The following SPOCK1 variants were observed in gnomAD, a reference collection of about 807,000 sequenced individuals.
SPOCK1 encodes the protein SPARC (osteonectin), cwcv and kazal like domains proteoglycan 1, also known as testican-1.
In SPOCK1, 23 loss-of-function variants were observed where a neutral mutation model predicts 55.3. The observed-to-expected ratio is 0.42, with a 90% CI of 0.30 to 0.59. The LOEUF is 0.59. Among genes scored for constraint, SPOCK1 ranks in the 20% least tolerant of loss-of-function variants. The pLI is 0.22. For synonymous variants in SPOCK1, 226 were observed against 221.0 expected, an observed-to-expected ratio of 1.02 and a Z score of -0.20; for missense variants, 499 against 552.5, an observed-to-expected ratio of 0.90 and a Z score of 0.97.
At chr5:137,422,604 C>T (rs1241296334) in intron 2 of SPOCK1, among the ~76,000 whole-genome samples, 2 of 151,664 alleles carry the variant, frequency 1.3e-5, no homozygotes, top group African/African-American at 2.4e-5. Flanking sequence ...GCATTCGTCA[C>T]GTAGTTCCCA....
chr5:137,169,452 A>G (rs952603677), intron 3 of SPOCK1, among the ~76,000 whole-genome samples: 26 of 152,234 alleles, frequency 1.7e-4, no homozygotes, highest in East Asian at 7.7e-4. Context: ...CAACAAATAT[A>G]TATACCTACT....
At chr5:137,057,858 G>A (rs779956452) in intron 6 of SPOCK1, among the ~76,000 whole-genome samples, 2 of 152,176 alleles carry the variant, frequency 1.3e-5, no homozygotes, top group African/African-American at 2.4e-5. Context: ...TCAACCTCAG[G>A]ACAGATTACA....
intron 3 of SPOCK1, among the ~76,000 whole-genome samples, chr5:137,216,460 C>A (rs1211327118): frequency 6.6e-6 from 1 of 152,200 alleles, no homozygotes; most frequent in Non-Finnish European, 1.5e-5. Context: ...CCTGTAATCC[C>A]GGCACTTTCG....
At chr5:137,478,903 T>C (rs1005897578) in intron 2 of SPOCK1, among the ~76,000 whole-genome samples, 2 of 151,992 alleles carry the variant, frequency 1.3e-5, no homozygotes, top group African/African-American at 4.8e-5. Context: ...ACAATAATTC[T>C]TACCCAGAGA....
At chr5:137,355,810 C>T (rs1352589642) in intron 2 of SPOCK1, among the ~76,000 whole-genome samples, 1 of 152,156 alleles carries the variant, frequency 6.6e-6, no homozygotes, top group African/African-American at 2.4e-5. Flanking sequence ...AGCCCAGCCC[C>T]CAGGTGGAGT....
chr5:137,239,469 A>C lies in SPOCK1; in HGVS notation c.232+27541T>G, dbSNP rs564200886. Among the ~76,000 whole-genome samples, 147 of 152,294 alleles carry C rather than the reference A, an allele frequency of 9.7e-4. 1 individual carries two copies. Among genetic ancestry groups the C allele is most frequent in the Admixed American group, 2.2e-3 (34 of 15,296 alleles). ...AGCAACATATTGAACATGAGACGGG[A>C]GGTGTGGGAACTCCTGAATGTATAG... On this transcript the variant is annotated intron_variant, in intron 3 of 10. Coordinates refer to ENST00000394945, the MANE Select transcript of SPOCK1 (RefSeq NM_004598.4).
At chr5:137,479,971 T>C (rs554998352) in intron 2 of SPOCK1, among the ~76,000 whole-genome samples, 1 of 152,224 alleles carries the variant, frequency 6.6e-6, no homozygotes, top group East Asian at 1.9e-4. Context: ...GAGGGTTAAA[T>C]AATCAATCAG....
chr5:137,043,979 C>T (rs1752052479), intron 6 of SPOCK1, among the ~76,000 whole-genome samples: 1 of 152,140 alleles, frequency 6.6e-6, no homozygotes, highest in African/African-American at 2.4e-5. Context: ...AACATGGGTG[C>T]AGGGTATCTG....
chr5:137,449,476 A>C (rs1046751853), intron 2 of SPOCK1, among the ~76,000 whole-genome samples: 50 of 152,304 alleles, frequency 3.3e-4, no homozygotes, highest in African/African-American at 1.2e-3. Context: ...ATGGCCAGCA[A>C]AGAGAGGCAG....
intron 6 of SPOCK1, among the ~76,000 whole-genome samples, chr5:137,058,239 A>T (rs1752335794): frequency 6.6e-6 from 1 of 152,218 alleles, no homozygotes; most frequent in Non-Finnish European, 1.5e-5. Context: ...TGTAAGGGTA[A>T]GAGCACAAGT....
At chr5:137,059,065 T>C (rs550889649) in intron 6 of SPOCK1, among the ~76,000 whole-genome samples, 21 of 98,034 alleles carry the variant, frequency 2.1e-4, no homozygotes, top group African/African-American at 6.1e-4. Flanking sequence ...TGGACTACCA[T>C]GTGCAAAAAA....
intron 3 of SPOCK1, among the ~76,000 whole-genome samples, chr5:137,215,110 G>A (rs1755692179): frequency 6.6e-6 from 1 of 152,106 alleles, no homozygotes; most frequent in Non-Finnish European, 1.5e-5. Context: ...AATTTCAATG[G>A]GAGAAAACAA....
intron 6 of SPOCK1, among the ~76,000 whole-genome samples, chr5:137,027,632 C>A (rs17703068): frequency 0.093 from 14,133 of 152,198 alleles, 823 homozygotes; most frequent in Non-Finnish European, 0.12. Context: ...TAGCTAGTAG[C>A]AGATACAGAC....
chr5:137,416,089 A>C, intron 2 of SPOCK1, among the ~76,000 whole-genome samples: 1 of 152,182 alleles, frequency 6.6e-6, no homozygotes, highest in Non-Finnish European at 1.5e-5. Flanking sequence ...TTACATACAG[A>C]GGACAATAGA....
intron 2 of SPOCK1, among the ~76,000 whole-genome samples, chr5:137,333,853 G>T (rs1189859119): frequency 6.6e-6 from 1 of 152,160 alleles, no homozygotes; most frequent in East Asian, 1.9e-4. Context: ...AAACAGATGT[G>T]TCTGTTTGTT....
At chr5:137,107,847 A>T (rs932154756) in intron 5 of SPOCK1, among the ~76,000 whole-genome samples, 1 of 152,208 alleles carries the variant, frequency 6.6e-6, no homozygotes, top group African/African-American at 2.4e-5. Flanking sequence ...CATGGAACCC[A>T]TCTTGAAGGA....
rs545693828 is a variant in SPOCK1 at position 137,216,520 on chromosome 5, G to A, written c.232+50490C>T. On this transcript the variant is annotated intron_variant, in intron 3 of 10. Transcript: ENST00000394945. ...GAGGTCAGGAGTTCAAGACCAGCCTGGCCAATGTTGTAAAACCCCATCTCT... is the reference window on the plus strand; with the variant it reads ...GAGGTCAGGAGTTCAAGACCAGCCTAGCCAATGTTGTAAAACCCCATCTCT... Among the ~76,000 whole-genome samples, 3 of 152,264 alleles carry A rather than the reference G, an allele frequency of 2.0e-5. No individual in the cohort carries two copies. In the East Asian group the frequency reaches 5.8e-4, roughly 29 times the overall value.
intron 2 of SPOCK1, among the ~76,000 whole-genome samples, chr5:137,401,073 T>A (rs1234708587): frequency 6.6e-6 from 1 of 152,140 alleles, no homozygotes; most frequent in African/African-American, 2.4e-5. Context: ...CAAGCATCCT[T>A]GTACCAAATC....
At chr5:137,209,802 C>T (rs1755579049) in intron 3 of SPOCK1, among the ~76,000 whole-genome samples, 1 of 152,176 alleles carries the variant, frequency 6.6e-6, no homozygotes, top group African/African-American at 2.4e-5. Flanking sequence ...TTAAAAGAGG[C>T]ACACAATATG....
Sources: gnomAD v4.1 joint callset for allele counts (sites outside exome capture counted in the v4.1 genomes callset) on GRCh38, gnomAD v4.1.1 for gene constraint, MANE v1.5 for transcripts, NCBI Gene and HGNC (gene_info 2026-07-23, HGNC 2026-07-21) for gene names.